Variants in NUBPL observed in about 807,000 individuals in gnomAD.
NUBPL encodes NUBP iron-sulfur cluster assembly factor, mitochondrial.
Under a neutral mutation model 45.7 loss-of-function variants are expected in NUBPL, and 31 were observed. The ratio of observed to expected loss-of-function variants is 0.68; its 90% CI spans 0.51 to 0.92. NUBPL has a LOEUF of 0.92. NUBPL is among the 40% of genes least tolerant of loss of function. The pLI, the probability that NUBPL is intolerant of heterozygous loss-of-function variation, is 0.00. For missense variants in NUBPL, 401 were observed against 398.7 expected, an observed-to-expected ratio of 1.01 and a Z score of -0.05; for synonymous variants, 144 against 140.9, an observed-to-expected ratio of 1.02 and a Z score of -0.15.
chr14:31,702,728 AC>A (rs2037366467), intron 6 of NUBPL, among the ~76,000 whole-genome samples: 3 of 152,200 alleles, frequency 2.0e-5, no homozygotes, highest in Admixed American at 2.0e-4. Context: ...TTTAAAAAAT[AC>A]TTTGAGGTCT....
intron 10 of NUBPL, among the ~76,000 whole-genome samples, chr14:31,856,547 A>C (rs1489752759): frequency 6.6e-6 from 1 of 152,206 alleles, no homozygotes; most frequent in East Asian, 1.9e-4. Context: ...CATCTGAGAC[A>C]AGGCAAGTCC....
chr14:31,846,364 T>C (rs1400662655), intron 8 of NUBPL, 107 bp from the exon 9 acceptor site: 4 of 850,074 alleles, frequency 4.7e-6, no homozygotes, highest in Non-Finnish European at 7.8e-6. Context: ...TGTGATAACA[T>C]TGATGAGTGC....
rs1282645303 is a variant in NUBPL at position 31,840,417 on chromosome 14, CA to C, written c.694-6047del. On this transcript the variant is annotated intron_variant, in intron 8 of 10. Transcript: ENST00000281081. The stretch of plus-strand genomic sequence containing the variant: ...TGAAACCCCATCTCTACTAGAAATA[CA>C]AAAAAATTAGCCAGACGTGGTGGCG... Among the ~76,000 whole-genome samples the C allele has an allele frequency of 4.7e-4, 72 of 151,700 alleles. 2 individuals carry two copies. Among genetic ancestry groups the C allele is most frequent in the Admixed American group, 4.5e-3 (68 of 15,214 alleles).
chr14:31,736,244 A>G (rs1195523525), intron 6 of NUBPL, among the ~76,000 whole-genome samples: 3 of 152,232 alleles, frequency 2.0e-5, no homozygotes, highest in African/African-American at 4.8e-5. Flanking sequence ...CTAACTTAAG[A>G]AAACACTTTA....
chr14:31,565,705 G>A (rs1178462138), intron 3 of NUBPL, among the ~76,000 whole-genome samples: 1 of 151,938 alleles, frequency 6.6e-6, no homozygotes, highest in Non-Finnish European at 1.5e-5. Flanking sequence ...ACGATGCTAT[G>A]GTGGAGTTCT....
chr14:31,792,797 C>G (rs2138836254), intron 7 of NUBPL, among the ~76,000 whole-genome samples: 1 of 152,192 alleles, frequency 6.6e-6, no homozygotes, highest in Non-Finnish European at 1.5e-5. Context: ...GTGTTAAAGC[C>G]TTAGTTCCTG....
intron 6 of NUBPL, among the ~76,000 whole-genome samples, chr14:31,717,680 C>A (rs2037719261): frequency 6.6e-6 from 1 of 152,148 alleles, no homozygotes; most frequent in Non-Finnish European, 1.5e-5. Context: ...ACCAAAACAA[C>A]CCCAAGCCTG....
chr14:31,812,795 A>T (rs2039834887), intron 7 of NUBPL, among the ~76,000 whole-genome samples: 1 of 152,106 alleles, frequency 6.6e-6, no homozygotes, highest in African/African-American at 2.4e-5. Flanking sequence ...TTTACTGGAG[A>T]CATCAGAAGG....
intron 4 of NUBPL, among the ~76,000 whole-genome samples, chr14:31,609,893 C>T (rs2034704505): frequency 6.6e-6 from 1 of 151,920 alleles, no homozygotes; most frequent in South Asian, 2.1e-4. Context: ...ATATAACATA[C>T]CAAACCCTGT....
intron 4 of NUBPL, among the ~76,000 whole-genome samples, chr14:31,621,136 C>T (rs1026881270): frequency 5.3e-5 from 8 of 152,154 alleles, no homozygotes; most frequent in South Asian, 2.1e-4. Flanking sequence ...CCTCCCCCTA[C>T]GAAGGTCGAG....
In NUBPL at chr14:31,670,548, A is replaced by G. The variant is rs1464729793; in HGVS notation, c.383-2807A>G. Among the ~76,000 whole-genome samples the G allele has an allele frequency of 2.0e-5, 3 of 152,146 alleles. No individual in the cohort carries two copies. In the East Asian group the frequency reaches 5.8e-4, roughly 29 times the overall value. On this transcript the variant is annotated intron_variant, in intron 4 of 10. Coordinates refer to ENST00000281081, the MANE Select transcript of NUBPL (RefSeq NM_025152.3). ...TTTCTTTGTCATGAAATCTTTGCCC[A>G]TTCCTATGTCCAGGATGGTAATACC...
At chr14:31,813,890 A>C (rs1233162011) in intron 7 of NUBPL, among the ~76,000 whole-genome samples, 1 of 152,196 alleles carries the variant, frequency 6.6e-6, no homozygotes, top group Non-Finnish European at 1.5e-5. Context: ...GCTGCATAGT[A>C]TTCCATGGTG....
rs1284289422 is a variant in NUBPL at position 31,826,677 on chromosome 14, A to C, written c.656A>C (p.His219Pro). 6.2e-7 allele frequency: 1 copy of C among 1,614,150 alleles called. No homozygotes were observed. The highest frequency in any genetic ancestry group is 8.5e-7 in the Non-Finnish European group (1 of 1,179,982). ...TPQDIALMDAHKGAEMFRRVH... is the reference protein window; with the variant it reads ...TPQDIALMDAPKGAEMFRRVH... ...CAGGACATCGCATTGATGGATGCAC[A>C]CAAGGGTGCTGAGATGTTTCGCAGA... Residue 219 changes from histidine (H) to proline (P), a missense_variant, in exon 8 of 11, where the codon CAC becomes CCC. Coordinates refer to ENST00000281081, the MANE Select transcript of NUBPL (RefSeq NM_025152.3).
In NUBPL at chr14:31,672,272, TATGTGTG is replaced by T. The variant is rs1397603723; in HGVS notation, c.383-1082_383-1076del. Reference sequence around the variant, plus strand: ...TCCAGTGTAGGAAGGACTGATTAGATATGTGTGTGTGTGTGTGTGTGTGTGTGTGTGT... The same window carrying T: ...TCCAGTGTAGGAAGGACTGATTAGATTGTGTGTGTGTGTGTGTGTGTGTGT... On this transcript the variant is annotated intron_variant, in intron 4 of 10. Coordinates refer to ENST00000281081, the MANE Select transcript of NUBPL (RefSeq NM_025152.3). Among the ~76,000 whole-genome samples the T allele has an allele frequency of 6.8e-3, 360 of 53,184 alleles. 4 individuals carry two copies. Among genetic ancestry groups the T allele is most frequent in the African/African-American group, 0.025 (340 of 13,542 alleles). The allele number at this position is 53,184 out of a possible 152,430, so 34.9% of individuals were successfully genotyped here.
chr14:31,809,078 C>CT (rs138922498), intron 7 of NUBPL, among the ~76,000 whole-genome samples: 61,736 of 151,878 alleles, frequency 0.41, 13,842 homozygotes, highest in East Asian at 0.61. Context: ...CTAAAATTCT[C>CT]TTTTTTTGTT....
chr14:31,603,935 CTT>C (rs1595355235), intron 4 of NUBPL, among the ~76,000 whole-genome samples: 1 of 152,154 alleles, frequency 6.6e-6, no homozygotes, highest in East Asian at 1.9e-4. Flanking sequence ...ATGTTTGTCT[CTT>C]GATTAAAGTA....
intron 6 of NUBPL, among the ~76,000 whole-genome samples, chr14:31,745,226 G>T (rs530698058): frequency 1.5e-3 from 228 of 151,834 alleles, no homozygotes; most frequent in Middle Eastern, 0.014. Flanking sequence ...GACAGGCCCT[G>T]GTGTGTGATG....
chr14:31,806,336 G>T (rs1323345654), intron 7 of NUBPL, among the ~76,000 whole-genome samples: 2 of 152,010 alleles, frequency 1.3e-5, no homozygotes, highest in African/African-American at 2.4e-5. Context: ...TGTATAAAAA[G>T]GAATGTGTTC....
intron 6 of NUBPL, among the ~76,000 whole-genome samples, chr14:31,682,563 C>T (rs571552828): frequency 1.3e-5 from 2 of 152,120 alleles, no homozygotes; most frequent in African/African-American, 4.8e-5. Flanking sequence ...ATTTTTTCCT[C>T]ATATGTTTCA....
Sources: allele counts gnomAD v4.1 joint callset (sites outside exome capture counted in the v4.1 genomes callset), GRCh38; gene constraint gnomAD v4.1.1; transcripts MANE v1.5; gene names NCBI Gene and HGNC (gene_info 2026-07-23, HGNC 2026-07-21).